Variants in CDK6 observed in about 807,000 individuals in gnomAD.
CDK6 encodes cyclin-dependent kinase 6.
A neutral mutation model predicts 37.1 loss-of-function variants in CDK6; 6 were observed. The ratio of observed to expected loss-of-function variants is 0.16; its 90% CI spans 0.09 to 0.32. CDK6 has a LOEUF of 0.32. CDK6 is among the 10% of genes least tolerant of loss of function. The pLI is 1.00. For missense variants in CDK6, 224 were observed against 418.9 expected (o/e 0.53, Z 4.06); for synonymous variants, 160 against 161.3 (o/e 0.99, Z 0.06).
intron 4 of CDK6, among the ~76,000 whole-genome samples, chr7:92,715,893 G>C (rs1429335975): frequency 6.6e-6 from 1 of 152,162 alleles, no homozygotes; most frequent in Non-Finnish European, 1.5e-5. Flanking sequence ...AGGGATCTTA[G>C]CTTTAAAATA....
At chr7:92,671,676 T>G in intron 4 of CDK6, 141 bp from the exon 5 acceptor site, 1 of 423,630 alleles carries the variant, frequency 2.4e-6, no homozygotes, top group Non-Finnish European at 4.2e-6. Flanking sequence ...CTAGAAGCAA[T>G]AGGTAAATAG....
intron 5 of CDK6, among the ~76,000 whole-genome samples, chr7:92,659,040 G>A (rs549217695): frequency 8.8e-4 from 134 of 152,156 alleles, no homozygotes; most frequent in Non-Finnish European, 1.6e-3. Context: ...TTACATGCAA[G>A]GGCCCCAACA....
At chr7:92,825,924 T>C (rs1251838483) in intron 2 of CDK6, among the ~76,000 whole-genome samples, 1 of 152,180 alleles carries the variant, frequency 6.6e-6, no homozygotes, top group Non-Finnish European at 1.5e-5. Context: ...ACTTAAACTT[T>C]CATATAAACT....
At chr7:92,622,980 C>A (rs1795839305) in intron 6 of CDK6, 56 bp downstream of exon 6, 1 of 1,066,546 alleles carries the variant, frequency 9.4e-7, no homozygotes, top group South Asian at 1.4e-5. Context: ...AGAGGAAAGT[C>A]ACTGTAAATG....
At chr7:92,659,709 T>C (rs551716571) in intron 5 of CDK6, among the ~76,000 whole-genome samples, 1 of 151,616 alleles carries the variant, frequency 6.6e-6, no homozygotes, top group East Asian at 1.9e-4. Flanking sequence ...CTTTGGGAGT[T>C]TGGAGGGGAG....
chr7:92,721,428 C>T (rs1798362088), intron 4 of CDK6, among the ~76,000 whole-genome samples: 1 of 152,140 alleles, frequency 6.6e-6, no homozygotes. Flanking sequence ...CCAGTGTAGG[C>T]TTCTCTAAAG....
chr7:92,677,084 T>G (rs1797222380), intron 4 of CDK6, among the ~76,000 whole-genome samples: 1 of 152,224 alleles, frequency 6.6e-6, no homozygotes, highest in African/African-American at 2.4e-5. Context: ...CTCGTTTTTA[T>G]CCTTAAGATT....
chr7:92,817,241 T>C (rs1409331042), intron 2 of CDK6, among the ~76,000 whole-genome samples: 1 of 151,816 alleles, frequency 6.6e-6, no homozygotes, highest in Non-Finnish European at 1.5e-5. Flanking sequence ...ATAAAAAAAA[T>C]TATAGGCCAA....
intron 6 of CDK6, among the ~76,000 whole-genome samples, chr7:92,618,879 C>G (rs957730957): frequency 1.3e-5 from 2 of 152,068 alleles, no homozygotes; most frequent in African/African-American, 4.8e-5. Context: ...ATTCTGGGAT[C>G]AGAAATGTGG....
intron 5 of CDK6, among the ~76,000 whole-genome samples, chr7:92,669,277 G>A (rs997115384): frequency 6.6e-6 from 1 of 152,190 alleles, no homozygotes; most frequent in Non-Finnish European, 1.5e-5. Context: ...GGAATCCAGT[G>A]ACCACTTATC....
chr7:92,772,705 G>A (rs538433781), intron 3 of CDK6, among the ~76,000 whole-genome samples: 1 of 151,294 alleles, frequency 6.6e-6, no homozygotes, highest in Admixed American at 6.6e-5. Context: ...TTCCTATCCT[G>A]CTTGCCCCTC....
chr7:92,607,733 C>T lies in CDK6; in HGVS notation c.*7407G>A, dbSNP rs1005479750. ...TAGAACAACTTGAAAAAAAATCCCCCGCCTGTCAGGTGCTGTTCCTGGGGG... is the reference window on the plus strand; with the variant it reads ...TAGAACAACTTGAAAAAAAATCCCCTGCCTGTCAGGTGCTGTTCCTGGGGG... On this transcript the variant is annotated 3_prime_UTR_variant, in exon 8 of 8. Coordinates refer to ENST00000424848, the MANE Select transcript of CDK6 (RefSeq NM_001145306.2). 14 of 231,884 alleles carry T rather than the reference C, an allele frequency of 6.0e-5. No homozygotes were observed. The highest frequency in any genetic ancestry group is 1.1e-4 in the Admixed American group (2 of 17,736). 14.4% of individuals were successfully genotyped at this position (231,884 alleles called of 1,614,324 possible).
intron 4 of CDK6, among the ~76,000 whole-genome samples, chr7:92,672,131 G>A (rs1395668450): frequency 4.3e-5 from 1 of 23,222 alleles, no homozygotes; most frequent in African/African-American, 1.5e-4. Flanking sequence ...CCCAAAAGCT[G>A]TACATATATA....
intron 4 of CDK6, among the ~76,000 whole-genome samples, chr7:92,718,614 C>G (rs1021065343): frequency 5.3e-5 from 8 of 152,130 alleles, no homozygotes; most frequent in Admixed American, 6.5e-5. Context: ...ACCCCAAGCA[C>G]GAATTGCATG....
At chr7:92,794,045 T>TA (rs1376344322) in intron 2 of CDK6, among the ~76,000 whole-genome samples, 11 of 152,196 alleles carry the variant, frequency 7.2e-5, no homozygotes, top group Admixed American at 3.3e-4. Flanking sequence ...TAGAGCTGTT[T>TA]AAAAAAATCA....
At chr7:92,770,759 C>G (rs951241618) in intron 3 of CDK6, among the ~76,000 whole-genome samples, 2 of 152,034 alleles carry the variant, frequency 1.3e-5, no homozygotes, top group African/African-American at 4.8e-5. Flanking sequence ...TACTGCCCAA[C>G]TAATGCAATT....
Position 92,833,798 on chromosome 7 carries a change from G to T in CDK6, c.-367-108C>A. ...CCTCCTCCTTTACGAAGCCTCCATC[G>T]CTACCCTCCGCGCGCTCCTGCCCTC... On this transcript the variant is annotated intron_variant, in intron 1 of 7. Coordinates refer to ENST00000424848, the MANE Select transcript of CDK6 (RefSeq NM_001145306.2). This position sits in a 1 kb window ranked among gnomAD's most constrained non-coding sequence, Gnocchi z 6.1. 2 of 404,948 alleles carry T rather than the reference G, an allele frequency of 4.9e-6. No individual in the cohort carries two copies. 25.1% of individuals were successfully genotyped at this position (404,948 alleles called of 1,614,324 possible). A position where few individuals can be genotyped will look rare whatever the true frequency, so the allele number is the denominator to read the frequency against.
intron 3 of CDK6, among the ~76,000 whole-genome samples, chr7:92,763,738 C>T (rs1799513031): frequency 6.6e-6 from 1 of 152,164 alleles, no homozygotes; most frequent in Non-Finnish European, 1.5e-5. Context: ...AGCAAATATT[C>T]CAGATGTCTG....
chr7:92,680,476 A>G (rs568047246), intron 4 of CDK6, among the ~76,000 whole-genome samples: 4 of 146,898 alleles, frequency 2.7e-5, no homozygotes, highest in East Asian at 2.0e-4. Flanking sequence ...TTAAATACCC[A>G]TAAAATAATA....
Sources: allele counts gnomAD v4.1 joint callset (sites outside exome capture counted in the v4.1 genomes callset), GRCh38; gene constraint gnomAD v4.1.1; non-coding constraint Gnocchi (gnomAD v3.1); transcripts MANE v1.5; gene names NCBI Gene and HGNC (gene_info 2026-07-23, HGNC 2026-07-21).